PRELID2: variants seen among roughly 807,000 people sequenced by gnomAD.
The protein encoded by PRELID2 is PRELI domain-containing protein 2.
Under a neutral mutation model 28.4 loss-of-function variants are expected in PRELID2, and 25 were observed. The ratio of observed to expected loss-of-function variants is 0.88; its 90% CI spans 0.64 to 1.23. The LOEUF is 1.23. Ranked by LOEUF, PRELID2 falls within the 50% of genes most tolerant of loss-of-function variation. PRELID2 has a pLI of 0.00. For missense variants in PRELID2, 201 were observed against 214.4 expected, an observed-to-expected ratio of 0.94 and a Z score of 0.39; for synonymous variants, 76 against 71.6, an observed-to-expected ratio of 1.06 and a Z score of -0.31.
intron 1 of PRELID2, among the ~76,000 whole-genome samples, chr5:145,599,134 G>C (rs1753352475): frequency 6.6e-6 from 1 of 151,656 alleles, no homozygotes. Flanking sequence ...CATGGAGACA[G>C]TAATTGCTGC....
intron 5 of PRELID2, among the ~76,000 whole-genome samples, chr5:145,769,476 G>A (rs1293800967): frequency 1.3e-5 from 2 of 152,154 alleles, no homozygotes; most frequent in African/African-American, 4.8e-5. Context: ...GAAACTAAAG[G>A]TGGCTAAATT....
intron 1 of PRELID2, among the ~76,000 whole-genome samples, chr5:145,743,631 A>T (rs574785394): frequency 1.3e-5 from 2 of 152,064 alleles, no homozygotes; most frequent in East Asian, 2.0e-4. Context: ...GTAGTGAGTG[A>T]GCGTGCTACC....
At chr5:145,608,009 G>A (rs1753529496) in intron 1 of PRELID2, among the ~76,000 whole-genome samples, 1 of 145,598 alleles carries the variant, frequency 6.9e-6, no homozygotes, top group African/African-American at 2.5e-5. Flanking sequence ...GCCCTGCTTT[G>A]TCTTTTTCCA....
At chr5:145,367,478 G>C in the PRELID2 span, among the ~76,000 whole-genome samples, 1 of 151,800 alleles carries the variant, frequency 6.6e-6, no homozygotes, top group Non-Finnish European at 1.5e-5. Flanking sequence ...AGAGTCTACA[G>C]TTGACATTAG....
At chr5:145,490,286 T>C (rs1208390250) in intron 1 of PRELID2, among the ~76,000 whole-genome samples, 2 of 152,188 alleles carry the variant, frequency 1.3e-5, no homozygotes, top group African/African-American at 4.8e-5. Context: ...CTCAGTCTAT[T>C]TAAAAATGCT....
intron 1 of PRELID2, among the ~76,000 whole-genome samples, chr5:145,484,131 G>A (rs1010630790): frequency 2.6e-5 from 4 of 152,166 alleles, no homozygotes; most frequent in African/African-American, 9.7e-5. Flanking sequence ...GAGCATTCTC[G>A]GAATTCAGAG....
chr5:145,252,835 C>T, the PRELID2 span, among the ~76,000 whole-genome samples: 1 of 151,906 alleles, frequency 6.6e-6, no homozygotes, highest in Non-Finnish European at 1.5e-5. Context: ...AACTGTACAT[C>T]TAAAGTCATA....
intron 5 of PRELID2, among the ~76,000 whole-genome samples, chr5:145,782,802 G>C (rs956578803): frequency 3.9e-5 from 6 of 152,086 alleles, no homozygotes; most frequent in African/African-American, 1.4e-4. Context: ...TTTGATGCAG[G>C]GCTTAAAGAC....
intron 1 of PRELID2, among the ~76,000 whole-genome samples, chr5:145,500,554 A>G (rs1410851723): frequency 2.0e-5 from 3 of 152,166 alleles, no homozygotes; most frequent in Non-Finnish European, 2.9e-5. Flanking sequence ...CAGAAAAAAA[A>G]TCTGAGCTGA....
At chr5:145,733,218 T>C (rs567470135) in intron 1 of PRELID2, among the ~76,000 whole-genome samples, 1 of 152,184 alleles carries the variant, frequency 6.6e-6, no homozygotes, top group African/African-American at 2.4e-5. Flanking sequence ...GCTGTGATCA[T>C]GCCATGGCAC....
At chr5:145,690,945 C>G (rs981523071) in intron 1 of PRELID2, among the ~76,000 whole-genome samples, 2 of 151,402 alleles carry the variant, frequency 1.3e-5, no homozygotes, top group African/African-American at 4.9e-5. Flanking sequence ...TGATCTCATC[C>G]TGATTAGATT....
At chr5:145,450,627 G>A in the PRELID2 span, 1 of 152,152 alleles carries the variant, frequency 6.6e-6, no homozygotes, top group Non-Finnish European at 1.5e-5. Context: ...TATAAATGCT[G>A]AATTTGGTTT....
the PRELID2 span, among the ~76,000 whole-genome samples, chr5:145,241,110 C>G: frequency 6.6e-6 from 1 of 151,942 alleles, no homozygotes; most frequent in Non-Finnish European, 1.5e-5. Context: ...CAGAACAGTA[C>G]CTGGCACAGG....
At chr5:145,647,358 C>T (rs991605667) in intron 1 of PRELID2, among the ~76,000 whole-genome samples, 4 of 152,124 alleles carry the variant, frequency 2.6e-5, no homozygotes, top group African/African-American at 4.8e-5. Flanking sequence ...CAATGGTCGA[C>T]GCACCTCCCC....
chr5:145,349,098 A>G, the PRELID2 span, among the ~76,000 whole-genome samples: 3 of 152,136 alleles, frequency 2.0e-5, no homozygotes, highest in African/African-American at 2.4e-5. Context: ...AACATGATTT[A>G]TCTGCTCATA....
intron 1 of PRELID2, among the ~76,000 whole-genome samples, chr5:145,748,969 T>C (rs1483839535): frequency 6.6e-6 from 1 of 152,062 alleles, no homozygotes; most frequent in East Asian, 1.9e-4. Flanking sequence ...TATACAAAAA[T>C]TAACTCAAGA....
intron 1 of PRELID2, among the ~76,000 whole-genome samples, chr5:145,675,274 C>T (rs909751570): frequency 7.9e-5 from 12 of 152,030 alleles, no homozygotes; most frequent in Admixed American, 5.2e-4. Flanking sequence ...GTAAATGGCT[C>T]TTAGTCCATA....
intron 1 of PRELID2, among the ~76,000 whole-genome samples, chr5:145,550,669 T>C (rs1348643572): frequency 6.6e-6 from 1 of 152,032 alleles, no homozygotes; most frequent in Non-Finnish European, 1.5e-5. Flanking sequence ...TTTAATGACA[T>C]CAGAAATAAT....
intron 5 of PRELID2, among the ~76,000 whole-genome samples, chr5:145,766,836 C>A (rs1757792017): frequency 6.6e-6 from 1 of 152,068 alleles, no homozygotes; most frequent in South Asian, 2.1e-4. Flanking sequence ...GCTTTCTATA[C>A]CCAGTTGCAC....
Sources: gnomAD v4.1 joint callset for allele counts (sites outside exome capture counted in the v4.1 genomes callset) on GRCh38, gnomAD v4.1.1 for gene constraint, MANE v1.5 for transcripts, NCBI Gene and HGNC (gene_info 2026-07-23, HGNC 2026-07-21) for gene names.